Variants in GARS1 observed in about 807,000 individuals in gnomAD.
GARS1 encodes the protein glycine--tRNA ligase.
In GARS1, 46 loss-of-function variants were observed where a neutral mutation model predicts 86.4. The observed-to-expected ratio is 0.53, with a 90% CI of 0.42 to 0.68. The LOEUF is 0.68. GARS1 is among the 30% of genes least tolerant of loss of function. The pLI, the probability that GARS1 is intolerant of heterozygous loss-of-function variation, is 0.00. For missense variants in GARS1, 797 were observed against 915.6 expected, an observed-to-expected ratio of 0.87 and a Z score of 1.67; for synonymous variants, 342 against 329.8, an observed-to-expected ratio of 1.04 and a Z score of -0.40.
In GARS1 at chr7:30,595,125, G is replaced by T; in HGVS notation, c.204G>T (p.Arg68Ser). The T allele has an allele frequency of 6.5e-7, 1 of 1,538,696 alleles. No homozygotes were observed. The change falls in exon 1 of 17, where the codon AGG (arginine) becomes AGT (serine). Residue 68 changes from arginine (R) to serine (S), a missense_variant. Physicochemically the swap from Arg to Ser is moderately radical, Grantham distance 110. Coordinates refer to ENST00000389266, the MANE Select transcript of GARS1 (RefSeq NM_002047.4). ...AGAEEVLAPL[R>S]LAVRQQGDLV... Reference sequence around the variant, plus strand: ...CTGAGGAGGTGCTGGCACCTCTGAGGCTAGCAGTGCGCCAGCAGGTACCGG... The same window carrying T: ...CTGAGGAGGTGCTGGCACCTCTGAGTCTAGCAGTGCGCCAGCAGGTACCGG...
intron 11 of GARS1, 165 bp from the exon 12 acceptor site, chr7:30,622,152 T>C (rs1336136830): frequency 6.8e-6 from 5 of 737,812 alleles, no homozygotes; most frequent in Non-Finnish European, 1.2e-5. Flanking sequence ...GTCTGAATGA[T>C]TTTGTGGACA....
upstream of GARS1, chr7:30,594,848 CAT>C (rs1415713241): frequency 2.3e-6 from 3 of 1,317,858 alleles, no homozygotes; most frequent in African/African-American, 3.0e-5. Context: ...GCGGCGATTT[CAT>C]CATGCTCCGA....
At chr7:30,602,135 C>G (rs1182463242) in intron 4 of GARS1, among the ~76,000 whole-genome samples, 3 of 151,882 alleles carry the variant, frequency 2.0e-5, no homozygotes, top group Non-Finnish European at 4.4e-5. Context: ...GTCCCCCAGG[C>G]TGGAGTGCAG....
In GARS1 at chr7:30,598,854, C is replaced by G; in HGVS notation, c.281C>G (p.Ala94Gly). 3.1e-6 allele frequency: 5 copies of G among 1,614,164 alleles called. 1 individual carries two copies. The South Asian group carries it at 5.5e-5, about 18-fold the overall frequency. The change falls in exon 2 of 17, where the codon GCA becomes GGA. Residue 94 changes from alanine (A) to glycine (G), a missense_variant. By Grantham distance (60) the Ala-to-Gly change is moderately conservative. This residue lies in a region of GARS1 where 199 missense variants were observed against 176.9 expected (regional missense o/e 1.12). Coordinates refer to ENST00000389266, the MANE Select transcript of GARS1 (RefSeq NM_002047.4). ...GCACCCCAAGTAGACGTAGACAAAG[C>G]AGTGGCTGAGCTCAAAGCCCGCAAG... ...DKAPQVDVDK[A>G]VAELKARKRV...
intron 2 of GARS1, 132 bp from the exon 3 acceptor site, chr7:30,599,815 A>T (rs1584022528): frequency 1.6e-6 from 1 of 637,016 alleles, no homozygotes; most frequent in Non-Finnish European, 2.8e-6. Flanking sequence ...TATTGTTTTT[A>T]ACCTATCAAA....
chr7:30,624,798 C>T (rs17159296), intron 12 of GARS1, among the ~76,000 whole-genome samples: 6,048 of 152,326 alleles, frequency 0.04, 166 homozygotes, highest in Middle Eastern at 0.082. Context: ...CATTTCTCGT[C>T]TTCCAGAATT....
At chr7:30,629,389 C>CT (rs1441946521) in intron 14 of GARS1, among the ~76,000 whole-genome samples, 1 of 152,142 alleles carries the variant, frequency 6.6e-6, no homozygotes, top group East Asian at 1.9e-4. Flanking sequence ...CCTTCTTCCT[C>CT]TTTATCTCCT....
At chr7:30,631,893 G>A (rs1783241754) in intron 15 of GARS1, 2 of 388,328 alleles carry the variant, frequency 5.2e-6, no homozygotes, top group Non-Finnish European at 9.7e-6. Flanking sequence ...AGGAATCCTG[G>A]TGGTCATCTG....
intron 3 of GARS1, 30 bp from the exon 4 acceptor site, chr7:30,601,029 A>G (rs1791364091): frequency 6.2e-7 from 1 of 1,610,394 alleles, no homozygotes; most frequent in Non-Finnish European, 8.5e-7. Flanking sequence ...TAACAAGGTA[A>G]AGTATGTGTT....
intron 12 of GARS1, among the ~76,000 whole-genome samples, chr7:30,624,300 A>G (rs143905818): frequency 2.0e-5 from 3 of 152,336 alleles, no homozygotes; most frequent in African/African-American, 7.2e-5. Context: ...TTCTTCAGGC[A>G]GAAGTATGAA....
At chr7:30,601,221 G>T in intron 4 of GARS1, 21 bp downstream of exon 4, 1 of 1,606,548 alleles carries the variant, frequency 6.2e-7, no homozygotes, top group Non-Finnish European at 8.5e-7. Flanking sequence ...ACTTTGGAGT[G>T]GGGGTATCCT....
At chr7:30,614,646 C>T (rs1211942253) in intron 8 of GARS1, among the ~76,000 whole-genome samples, 4 of 152,046 alleles carry the variant, frequency 2.6e-5, no homozygotes, top group Non-Finnish European at 5.9e-5. Flanking sequence ...GAGGCAGAGG[C>T]GGGCGGATCA....
chr7:30,615,266 A>G (rs1261911975), intron 8 of GARS1, among the ~76,000 whole-genome samples: 1 of 152,258 alleles, frequency 6.6e-6, no homozygotes, highest in Non-Finnish European at 1.5e-5. Context: ...TTTTTGTAGC[A>G]GTAAAAAAGA....
intron 6 of GARS1, among the ~76,000 whole-genome samples, chr7:30,609,150 T>C (rs1006986075): frequency 3.9e-5 from 6 of 152,290 alleles, no homozygotes; most frequent in African/African-American, 1.4e-4. Flanking sequence ...AATTACTCCA[T>C]TGAGGAGAGG....
Position 30,622,375 on chromosome 7 carries a change from A to G in GARS1, c.1526A>G (p.Lys509Arg). Residue 509 changes from lysine (K) to arginine (R), a missense_variant, in exon 12 of 17, where the codon AAG (lysine) becomes AGG (arginine). By Grantham distance (26) the Lys-to-Arg change is conservative. Coordinates refer to ENST00000389266, the MANE Select transcript of GARS1 (RefSeq NM_002047.4). The part of the protein sequence containing the change: ...PSKGAIGKAY[K>R]KDAKLVMEYL... ...AAGGGAGCAATTGGTAAGGCATATA[A>G]GAAGGATGCAAAACTGGTGATGGAG... 1 of 1,614,180 alleles carries G rather than the reference A, an allele frequency of 6.2e-7. No homozygotes were observed. Among genetic ancestry groups the G allele is most frequent in the South Asian group, 1.1e-5 (1 of 91,088 alleles).
Position 30,628,635 on chromosome 7 carries a change from C to T in GARS1, c.1775C>T (p.Thr592Ile), listed in dbSNP as rs1402428554. 1.2e-6 allele frequency: 2 copies of T among 1,611,976 alleles called. No individual in the cohort carries two copies. The highest frequency in any genetic ancestry group is 2.2e-5 in the East Asian group (1 of 44,844). The change falls in exon 14 of 17, where the codon ACA becomes ATA. Residue 592 changes from threonine (T) to isoleucine (I), a missense_variant. Physicochemically the swap from Thr to Ile is moderately conservative, Grantham distance 89 (BLOSUM62 -1). Transcript: ENST00000389266. ...GRIMYTVFEH[T>I]FHVREGDEQR... is the part of the protein sequence containing the mutation. ...ATCATGTATACGGTATTTGAACATACATTCCATGTACGAGAAGGAGATGAA... is the reference window on the plus strand; with the variant it reads ...ATCATGTATACGGTATTTGAACATATATTCCATGTACGAGAAGGAGATGAA...
At chr7:30,614,718 T>C (rs925434552) in intron 8 of GARS1, among the ~76,000 whole-genome samples, 2 of 151,522 alleles carry the variant, frequency 1.3e-5, no homozygotes, top group African/African-American at 4.9e-5. Flanking sequence ...CTACTAAAAA[T>C]ACAAAAAATT....
chr7:30,627,297 TCA>T, intron 13 of GARS1: 1 of 222,592 alleles, frequency 4.5e-6, no homozygotes, highest in Non-Finnish European at 9.2e-6. Context: ...GGCTTTTCCG[TCA>T]CAGTCTGGGG....
chr7:30,622,068 A>G (rs572823338), intron 11 of GARS1: 15 of 512,062 alleles, frequency 2.9e-5, no homozygotes, highest in South Asian at 2.8e-4. Flanking sequence ...GTCATTGCTG[A>G]TTAGATAATA....
Sources: gnomAD v4.1 joint callset for allele counts (sites outside exome capture counted in the v4.1 genomes callset) on GRCh38, gnomAD v4.1.1 for gene constraint, gnomAD v4.1.1 regional missense constraint, MANE v1.5 for transcripts, NCBI Gene and HGNC (gene_info 2026-07-23, HGNC 2026-07-21) for gene names.